Variants in CTNNA2 observed in about 807,000 individuals in gnomAD.
CTNNA2 encodes the protein catenin alpha 2.
CTNNA2 carries 42 observed loss-of-function variants against 101.0 expected under a neutral mutation model. The ratio of observed to expected loss-of-function variants is 0.42; its 90% CI spans 0.32 to 0.54. The LOEUF (loss-of-function observed/expected upper bound fraction) is 0.54, where lower values mean the gene tolerates loss of function less well. Ranked by LOEUF, CTNNA2 falls within the 20% of genes least tolerant of loss-of-function variation. CTNNA2 has a pLI of 0.14. For synonymous variants in CTNNA2, 450 were observed against 456.4 expected (o/e 0.99, Z 0.18); for missense variants, 871 against 1,223.1 (o/e 0.71, Z 4.29).
At chr2:80,370,424 T>G (rs974770894) in intron 7 of CTNNA2, among the ~76,000 whole-genome samples, 2 of 152,154 alleles carry the variant, frequency 1.3e-5, no homozygotes, top group African/African-American at 2.4e-5. Flanking sequence ...ATGTTTAATA[T>G]AGACTATTGT....
intron 7 of CTNNA2, among the ~76,000 whole-genome samples, chr2:80,384,573 G>T (rs1172537176): frequency 6.9e-6 from 1 of 144,516 alleles, no homozygotes; most frequent in South Asian, 2.2e-4. Context: ...AACAAAGGAT[G>T]CTGTGGCATT....
intron 2 of CTNNA2, among the ~76,000 whole-genome samples, chr2:79,716,630 C>T (rs947513056): frequency 2.0e-5 from 3 of 152,068 alleles, no homozygotes; most frequent in African/African-American, 7.2e-5. Flanking sequence ...TATGGCAGCC[C>T]TAGGGAACGG....
chr2:80,103,786 G>A lies in CTNNA2; in HGVS notation c.1056+193989G>A, dbSNP rs562484035. ...GTCTCACTCTGTTACCCAGGCTGGA[G>A]TGCAGTGGCGTGATCTTGGCTCACT... On this transcript the variant is annotated intron_variant, in intron 7 of 18. Transcript: ENST00000402739. Among the ~76,000 whole-genome samples the A allele has an allele frequency of 5.4e-4, 82 of 152,310 alleles. 1 individual carries two copies. The highest frequency in any genetic ancestry group is 1.9e-3 in the African/African-American group (79 of 41,576).
At chr2:79,266,038 C>G (rs1167344267) in intron 2 of CTNNA2, among the ~76,000 whole-genome samples, 1 of 152,078 alleles carries the variant, frequency 6.6e-6, no homozygotes, top group Non-Finnish European at 1.5e-5. Flanking sequence ...CTAACTGTAC[C>G]TATAGCAATT....
intron 4 of CTNNA2, among the ~76,000 whole-genome samples, chr2:79,432,966 T>A (rs1023485500): frequency 6.6e-5 from 10 of 152,352 alleles, no homozygotes; most frequent in African/African-American, 2.2e-4. Flanking sequence ...AAAGACAGCC[T>A]GGGCTGTCCC....
intron 4 of CTNNA2, among the ~76,000 whole-genome samples, chr2:79,448,672 C>T (rs1313092229): frequency 4.6e-5 from 7 of 151,930 alleles, no homozygotes; most frequent in Admixed American, 4.6e-4. Flanking sequence ...TCTAGAAATA[C>T]ATAAGAAAAC....
intron 16 of CTNNA2, among the ~76,000 whole-genome samples, chr2:80,607,628 G>C (rs1378781493): frequency 6.6e-6 from 1 of 151,834 alleles, no homozygotes; most frequent in East Asian, 1.9e-4. Context: ...TCATTTAAAG[G>C]CAGGTTATTA....
chr2:80,129,771 G>C (rs142663984), intron 7 of CTNNA2, among the ~76,000 whole-genome samples: 266 of 152,202 alleles, frequency 1.7e-3, no homozygotes, highest in African/African-American at 6.3e-3. Context: ...CACATAACTG[G>C]TAAGTGATGG....
At chr2:80,207,587 G>T (rs1300423869) in intron 7 of CTNNA2, among the ~76,000 whole-genome samples, 1 of 152,134 alleles carries the variant, frequency 6.6e-6, no homozygotes, top group Non-Finnish European at 1.5e-5. Flanking sequence ...AGTTGGCATT[G>T]CTTGGAACAT....
chr2:79,906,101 C>T (rs2104303705), intron 6 of CTNNA2, among the ~76,000 whole-genome samples: 1 of 152,198 alleles, frequency 6.6e-6, no homozygotes, highest in East Asian at 1.9e-4. Context: ...AAGCCACAGC[C>T]CCTTCCATAC....
At chr2:79,408,842 A>G (rs1253837550) in intron 4 of CTNNA2, among the ~76,000 whole-genome samples, 1 of 151,692 alleles carries the variant, frequency 6.6e-6, no homozygotes, top group African/African-American at 2.4e-5. Context: ...GTCAAATGGT[A>G]TTTCTAGTTC....
At chr2:80,331,069 T>C (rs917944148) in intron 7 of CTNNA2, among the ~76,000 whole-genome samples, 1 of 151,362 alleles carries the variant, frequency 6.6e-6, no homozygotes, top group Non-Finnish European at 1.5e-5. Context: ...CTAAAGGCTT[T>C]CAGAATTAGC....
At chr2:80,183,526 G>T (rs559427498) in intron 7 of CTNNA2, among the ~76,000 whole-genome samples, 1 of 152,158 alleles carries the variant, frequency 6.6e-6, no homozygotes, top group East Asian at 1.9e-4. Flanking sequence ...TCTTTTAATG[G>T]TCTTTATCTG....
chr2:80,307,702 C>T (rs888346969), intron 7 of CTNNA2, among the ~76,000 whole-genome samples: 1 of 152,138 alleles, frequency 6.6e-6, no homozygotes, highest in African/African-American at 2.4e-5. Context: ...TTTGAAAATA[C>T]CCTTGACATT....
intron 4 of CTNNA2, among the ~76,000 whole-genome samples, chr2:79,469,750 G>A (rs558694131): frequency 1.1e-4 from 17 of 152,004 alleles, no homozygotes; most frequent in South Asian, 4.2e-4. Context: ...AACATAATCC[G>A]GCATATAAAC....
intron 7 of CTNNA2, among the ~76,000 whole-genome samples, chr2:80,107,550 A>G (rs1700964637): frequency 6.6e-6 from 1 of 152,194 alleles, no homozygotes; most frequent in Admixed American, 6.5e-5. Context: ...ATCACTTAAT[A>G]AAATTCTCTG....
intron 7 of CTNNA2, among the ~76,000 whole-genome samples, chr2:79,936,557 T>C (rs1171750466): frequency 6.9e-6 from 1 of 144,236 alleles, no homozygotes; most frequent in Non-Finnish European, 1.5e-5. Context: ...TTTTTTTTTT[T>C]CCTAGCATCT....
chr2:79,628,220 G>A (rs1333467812), intron 1 of CTNNA2, among the ~76,000 whole-genome samples: 2 of 152,092 alleles, frequency 1.3e-5, no homozygotes, highest in South Asian at 2.1e-4. Context: ...GGGAGACCGA[G>A]GTGGGCAGAT....
intron 4 of CTNNA2, among the ~76,000 whole-genome samples, chr2:79,387,003 G>A (rs1031952628): frequency 2.0e-5 from 3 of 152,208 alleles, no homozygotes; most frequent in East Asian, 1.9e-4. Context: ...TAGAATGCTA[G>A]AGTCAGAAAT....
Sources: allele counts gnomAD v4.1 joint callset (sites outside exome capture counted in the v4.1 genomes callset), GRCh38; gene constraint gnomAD v4.1.1; transcripts MANE v1.5; gene names NCBI Gene and HGNC (gene_info 2026-07-23, HGNC 2026-07-21).